Variants in SCN11A observed in about 807,000 individuals in gnomAD.
SCN11A encodes sodium channel protein type 11 subunit alpha.
In SCN11A, 122 loss-of-function variants were observed where a neutral mutation model predicts 162.2. The ratio of observed to expected loss-of-function variants is 0.75; its 90% CI spans 0.65 to 0.87. SCN11A has a LOEUF of 0.87. SCN11A is among the 40% of genes least tolerant of loss of function. SCN11A has a pLI of 0.00. For missense variants in SCN11A, 2,015 were observed against 2,181.6 expected, an observed-to-expected ratio of 0.92 and a Z score of 1.52; for synonymous variants, 758 against 751.5, an observed-to-expected ratio of 1.01 and a Z score of -0.14.
At position 38,893,893 on chromosome 3, in the gene SCN11A, C is replaced by A. The variant is rs933725929; in HGVS notation, c.2835+640G>T. ...ACATTGGTTAGAGAGAAATTTATAG[C>A]TATCAAATATGAGTCAGTAAACAGG... On this transcript the variant is annotated intron_variant, in intron 19 of 29. Coordinates refer to ENST00000302328, the MANE Select transcript of SCN11A (RefSeq NM_001349253.2). Among the ~76,000 whole-genome samples the A allele has an allele frequency of 2.6e-5, 4 of 152,068 alleles. No individual in the cohort carries two copies. In the South Asian group the frequency reaches 8.3e-4, roughly 32 times the overall value.
At chr3:38,880,187 T>C (rs1360292700) in intron 22 of SCN11A, 64 bp from the exon 23 acceptor site, 5 of 1,245,570 alleles carry the variant, frequency 4.0e-6, no homozygotes, top group Non-Finnish European at 5.6e-6. Context: ...TTGGTAACTT[T>C]ACTTTTTGTT....
chr3:38,937,352 A>C (rs2066352372), intron 7 of SCN11A, among the ~76,000 whole-genome samples: 1 of 150,324 alleles, frequency 6.7e-6, no homozygotes. Flanking sequence ...CAATGGCAAC[A>C]AAAGCCAAAA....
chr3:39,048,414 A>G (rs2032236936), intron 1 of SCN11A, among the ~76,000 whole-genome samples: 1 of 152,342 alleles, frequency 6.6e-6, no homozygotes, highest in East Asian at 1.9e-4. Flanking sequence ...CACATATAAA[A>G]TTACAGCTAG....
In SCN11A at chr3:38,846,447, T is replaced by C. The variant is rs1224588000; in HGVS notation, c.*247A>G. The C allele has an allele frequency of 2.0e-6, 1 of 491,554 alleles. No individual in the cohort carries two copies. The highest frequency in any genetic ancestry group is 3.6e-6 in the Non-Finnish European group (1 of 274,414). The allele number at this position is 491,554 out of a possible 1,614,324, so 30.4% of individuals were successfully genotyped here. A position where few individuals can be genotyped will look rare whatever the true frequency, so the allele number is the denominator to read the frequency against. On this transcript the variant is annotated 3_prime_UTR_variant, in exon 30 of 30. Coordinates refer to ENST00000302328, the MANE Select transcript of SCN11A (RefSeq NM_001349253.2). The stretch of plus-strand genomic sequence containing the variant: ...CAATCCTAAAATTGGTATGTCCTTT[T>C]ACAGTCCTTCCTGGTGTCTTCTTCC...
intron 2 of SCN11A, among the ~76,000 whole-genome samples, chr3:39,002,036 CA>C (rs377595009): frequency 4.4e-5 from 6 of 135,194 alleles, no homozygotes; most frequent in Middle Eastern, 3.8e-3. Context: ...GACTCCGTCT[CA>C]AAAAAAAAAC....
chr3:38,947,023 T>C (rs2066528582), intron 5 of SCN11A, 116 bp from the exon 6 acceptor site: 1 of 664,408 alleles, frequency 1.5e-6, no homozygotes. Context: ...ACATAAACTG[T>C]TGGGCTGTGG....
chr3:38,903,810 A>G (rs940681457), intron 16 of SCN11A, 55 bp downstream of exon 16: 3 of 1,327,548 alleles, frequency 2.3e-6, no homozygotes, highest in Non-Finnish European at 2.1e-6. Context: ...ACTTTGAAAA[A>G]GTTATACTTT....
At chr3:38,966,614 A>G (rs1455543173) in intron 2 of SCN11A, among the ~76,000 whole-genome samples, 1 of 152,186 alleles carries the variant, frequency 6.6e-6, no homozygotes, top group Non-Finnish European at 1.5e-5. Context: ...GGAACATTTC[A>G]AATTCTCTCT....
At chr3:38,946,983 T>C in intron 5 of SCN11A, 76 bp from the exon 6 acceptor site, 1 of 827,308 alleles carries the variant, frequency 1.2e-6, no homozygotes, top group East Asian at 2.5e-5. Context: ...AAAACAATAT[T>C]TATCATGAAT....
chr3:38,943,004 G>C (rs981059922), intron 7 of SCN11A, among the ~76,000 whole-genome samples: 3 of 151,988 alleles, frequency 2.0e-5, no homozygotes, highest in African/African-American at 7.2e-5. Context: ...ATCCACAAAA[G>C]ATTTTTATAC....
intron 2 of SCN11A, among the ~76,000 whole-genome samples, chr3:38,968,589 CAT>C (rs1187756478): frequency 9.8e-5 from 15 of 152,334 alleles, no homozygotes; most frequent in Non-Finnish European, 1.9e-4. Flanking sequence ...CCCCAACACA[CAT>C]GTGCACACAC....
intron 2 of SCN11A, among the ~76,000 whole-genome samples, chr3:38,985,277 G>A (rs972619416): frequency 6.7e-6 from 1 of 149,682 alleles, no homozygotes; most frequent in African/African-American, 2.5e-5. Context: ...ACAGGCACCC[G>A]CCACTACGCC....
At chr3:38,908,411 T>TG (rs1158145803) in intron 13 of SCN11A, among the ~76,000 whole-genome samples, 2 of 152,194 alleles carry the variant, frequency 1.3e-5, no homozygotes, top group African/African-American at 2.4e-5. Flanking sequence ...TAAATACTTA[T>TG]GCCTGATAGT....
At chr3:39,031,597 GTCTT>G (rs2031753564) in intron 2 of SCN11A, among the ~76,000 whole-genome samples, 1 of 151,646 alleles carries the variant, frequency 6.6e-6, no homozygotes, top group Non-Finnish European at 1.5e-5. Flanking sequence ...TAAAATGGAG[GTCTT>G]TCTGCCAGGA....
At chr3:39,002,593 G>A (rs1372631963) in intron 2 of SCN11A, among the ~76,000 whole-genome samples, 1 of 152,212 alleles carries the variant, frequency 6.6e-6, no homozygotes, top group Non-Finnish European at 1.5e-5. Context: ...TAAGATGTGA[G>A]GAGACAGATG....
At chr3:38,933,532 A>T (rs539950432) in intron 7 of SCN11A, among the ~76,000 whole-genome samples, 2,405 of 152,296 alleles carry the variant, frequency 0.016, 66 homozygotes, top group African/African-American at 0.055. Context: ...TGCTTAAAGG[A>T]GCTGATGGAG....
At chr3:38,883,176 T>G (rs2065337804) in intron 22 of SCN11A, 57 bp downstream of exon 22, 2 of 1,482,588 alleles carry the variant, frequency 1.3e-6, no homozygotes, top group Non-Finnish European at 1.8e-6. Context: ...CAAGTCAGAG[T>G]GCAGCTTCCC....
intron 1 of SCN11A, among the ~76,000 whole-genome samples, chr3:39,045,242 A>C (rs2032154118): frequency 6.6e-6 from 1 of 152,194 alleles, no homozygotes; most frequent in Non-Finnish European, 1.5e-5. Context: ...AATTCCTCTC[A>C]AATTATTCCA....
chr3:38,951,460 G>A (rs1032334370), intron 4 of SCN11A, among the ~76,000 whole-genome samples: 6 of 152,346 alleles, frequency 3.9e-5, no homozygotes, highest in East Asian at 1.9e-4. Flanking sequence ...CTGTGCGGCC[G>A]GAGCCTCCCC....
Sources: allele counts gnomAD v4.1 joint callset (sites outside exome capture counted in the v4.1 genomes callset), GRCh38; gene constraint gnomAD v4.1.1; transcripts MANE v1.5; gene names NCBI Gene and HGNC (gene_info 2026-07-23, HGNC 2026-07-21).